Variants in DGKI observed in about 807,000 individuals in gnomAD.
DGKI encodes DAG kinase iota.
A neutral mutation model predicts 147.5 loss-of-function variants in DGKI; 55 were observed. That is an observed-to-expected ratio of 0.37 (90% CI 0.30 to 0.47). The LOEUF (loss-of-function observed/expected upper bound fraction) is 0.47, where lower values mean the gene tolerates loss of function less well. Among genes scored for constraint, DGKI ranks in the 20% least tolerant of loss-of-function variants. The pLI, the probability that DGKI is intolerant of heterozygous loss-of-function variation, is 1.00. For synonymous variants in DGKI, 469 were observed against 477.1 expected (o/e 0.98, Z 0.22); for missense variants, 1,007 against 1,323.8 (o/e 0.76, Z 3.71).
At chr7:137,699,274 C>T (rs1823896466) in intron 1 of DGKI, among the ~76,000 whole-genome samples, 1 of 152,234 alleles carries the variant, frequency 6.6e-6, no homozygotes, top group African/African-American at 2.4e-5. Context: ...CTGATACCAT[C>T]ACCTTGGGGG....
intron 12 of DGKI, among the ~76,000 whole-genome samples, chr7:137,592,204 T>G (rs1819642057): frequency 6.6e-6 from 1 of 152,188 alleles, no homozygotes. Context: ...GCCACGGCTT[T>G]CGTATTTTCC....
intron 21 of DGKI, among the ~76,000 whole-genome samples, chr7:137,490,978 C>T (rs935215767): frequency 3.3e-5 from 5 of 152,140 alleles, no homozygotes; most frequent in Non-Finnish European, 7.4e-5. Context: ...ACCAGAAATA[C>T]TACTAACCTA....
intron 23 of DGKI, among the ~76,000 whole-genome samples, chr7:137,480,715 G>C (rs760617084): frequency 1.3e-4 from 20 of 151,934 alleles, no homozygotes; most frequent in Non-Finnish European, 2.2e-4. Flanking sequence ...ATTTTTAAGT[G>C]AGTTAATTCT....
intron 21 of DGKI, among the ~76,000 whole-genome samples, chr7:137,490,427 CT>C (rs1251997689): frequency 1.3e-5 from 2 of 152,152 alleles, no homozygotes; most frequent in Non-Finnish European, 2.9e-5. Flanking sequence ...TTTTCACTAT[CT>C]TTTGAGCATC....
rs147042344 is a variant in DGKI at position 137,407,912 on chromosome 7, G to A, written c.2883C>T (p.Thr961=). The change falls in exon 30 of 33, where the codon ACC becomes ACT. Residue 961 remains threonine, a synonymous_variant. Coordinates refer to ENST00000614521, the MANE Select transcript of DGKI (RefSeq NM_001321708.2). ...TATATTTCACAATCTCCCCGTTGCC[G>A]GTTTTAGCTGCGTAGTGAAGGAGTG... The part of the protein sequence containing the change: ...HCSLLHYAAK[T]GNGEIVKYIL... 7.4e-5 allele frequency: 119 copies of A among 1,614,078 alleles called. No homozygotes were observed. The highest frequency in any genetic ancestry group is 4.2e-4 in the Admixed American group (25 of 59,998).
chr7:137,836,538 T>C (rs1008989493), intron 1 of DGKI, among the ~76,000 whole-genome samples: 2 of 152,216 alleles, frequency 1.3e-5, no homozygotes, highest in Non-Finnish European at 2.9e-5. Context: ...CCTAGCTTCT[T>C]CACTGGACCC....
At chr7:137,569,789 A>G (rs983441081) in intron 19 of DGKI, among the ~76,000 whole-genome samples, 17 of 144,922 alleles carry the variant, frequency 1.2e-4, no homozygotes, top group Non-Finnish European at 7.5e-5. Context: ...TTCCCTGCAT[A>G]TATCCTTCCT....
At chr7:137,519,721 G>A (rs1250074276) in intron 21 of DGKI, among the ~76,000 whole-genome samples, 1 of 152,006 alleles carries the variant, frequency 6.6e-6, no homozygotes, top group Non-Finnish European at 1.5e-5. Flanking sequence ...TTGGAACCAG[G>A]CAAAAGAGTA....
At chr7:137,406,814 C>A (rs754398015) in intron 30 of DGKI, among the ~76,000 whole-genome samples, 1 of 151,412 alleles carries the variant, frequency 6.6e-6, no homozygotes, top group Admixed American at 6.6e-5. Context: ...AAAACAGTGA[C>A]TGTATTTTAT....
At chr7:137,788,738 T>C (rs1178722152) in intron 1 of DGKI, among the ~76,000 whole-genome samples, 1 of 151,976 alleles carries the variant, frequency 6.6e-6, no homozygotes, top group Admixed American at 6.6e-5. Context: ...AATGCCTATC[T>C]GGTAACCCAA....
intron 20 of DGKI, among the ~76,000 whole-genome samples, chr7:137,539,052 T>C (rs765985848): frequency 1.8e-4 from 28 of 152,168 alleles, no homozygotes; most frequent in Non-Finnish European, 3.7e-4. Context: ...CCCTTTCTTT[T>C]TTCCCCCCTC....
rs566893735 is a variant in DGKI at position 137,536,853 on chromosome 7, G to C, written c.2148-14887C>G. On this transcript the variant is annotated intron_variant, in intron 20 of 32. Transcript: ENST00000614521. ...TCACTAGACCTCTCAGAGTGGAATG[G>C]AAGCCCAGGCAGAGTGAGGGAACTC... Among the ~76,000 whole-genome samples the C allele has an allele frequency of 2.6e-4, 40 of 152,128 alleles. 1 individual carries two copies. In the South Asian group the frequency reaches 7.3e-3, roughly 28 times the overall value.
rs182953173 is a variant in DGKI at position 137,623,509 on chromosome 7, T to G, written c.850A>C (p.Ile284Leu). The G allele has an allele frequency of 9.3e-6, 15 of 1,614,098 alleles. No homozygotes were observed. The change falls in exon 7 of 33, where the codon ATC becomes CTC. Residue 284 changes from isoleucine (I) to leucine (L), a missense_variant. By Grantham distance (5) the Ile-to-Leu change is conservative. Coordinates refer to ENST00000614521, the MANE Select transcript of DGKI (RefSeq NM_001321708.2). Reference protein sequence around the residue: ...FSFHSKEIVAISCSWCKQAFH... With the variant: ...FSFHSKEIVALSCSWCKQAFH... Reference sequence around the variant, plus strand: ...GCCTGCTTGCACCAGGAACAGCTGATAGCCACAATCTCTTTACTGTGGAAG... The same window carrying G: ...GCCTGCTTGCACCAGGAACAGCTGAGAGCCACAATCTCTTTACTGTGGAAG...
intron 4 of DGKI, 91 bp downstream of exon 4, chr7:137,656,375 T>C: frequency 3.6e-6 from 5 of 1,371,026 alleles, no homozygotes; most frequent in Non-Finnish European, 5.2e-6. Flanking sequence ...GGGCATTGTT[T>C]TCAAAAAGTT....
intron 28 of DGKI, among the ~76,000 whole-genome samples, chr7:137,421,823 G>C (rs1210567227): frequency 6.6e-6 from 1 of 152,152 alleles, no homozygotes; most frequent in Admixed American, 6.5e-5. Context: ...ATAAATAGTT[G>C]GTTGATCCTT....
intron 23 of DGKI, 112 bp downstream of exon 23, chr7:137,485,262 G>A (rs1815512750): frequency 1.2e-6 from 1 of 834,104 alleles, no homozygotes; most frequent in South Asian, 1.8e-5. Flanking sequence ...TTCTTAGAAT[G>A]AACTCTATCC....
At chr7:137,647,604 G>A (rs1177495613) in intron 5 of DGKI, among the ~76,000 whole-genome samples, 1 of 152,154 alleles carries the variant, frequency 6.6e-6, no homozygotes, top group Admixed American at 6.5e-5. Context: ...GAAAGTGACG[G>A]CAATTCTAGA....
rs372307546 is a variant in DGKI, at chr7:137,423,072, T to G, written c.2762-10865A>C. Among the ~76,000 whole-genome samples, 11 of 152,322 alleles carry G rather than the reference T, an allele frequency of 7.2e-5. No individual in the cohort carries two copies. In the East Asian group the frequency reaches 1.2e-3, roughly 16 times the overall value. On this transcript the variant is annotated intron_variant, in intron 28 of 32. Transcript: ENST00000614521. ...CTCTGAAGGTCCTTCATCCCTATAA[T>G]GTTGAGAGAGTTTAATTTAGATTGT...
chr7:137,624,057 A>G (rs1365270297), intron 6 of DGKI, among the ~76,000 whole-genome samples: 2 of 152,180 alleles, frequency 1.3e-5, no homozygotes, highest in African/African-American at 4.8e-5. Context: ...AAATTCAGAC[A>G]CTTTCATAAG....
Sources: gnomAD v4.1 joint callset for allele counts (sites outside exome capture counted in the v4.1 genomes callset) on GRCh38, gnomAD v4.1.1 for gene constraint, MANE v1.5 for transcripts, NCBI Gene and HGNC (gene_info 2026-07-23, HGNC 2026-07-21) for gene names.